Variants in DOP1A observed in about 807,000 individuals in gnomAD.
The protein encoded by DOP1A is DOP1 leucine zipper like protein A.
A neutral mutation model predicts 267.6 loss-of-function variants in DOP1A; 90 were observed. The observed-to-expected ratio is 0.34, with a 90% CI of 0.28 to 0.40. The LOEUF is 0.40. Ranked by LOEUF, DOP1A falls within the 10% of genes least tolerant of loss-of-function variation. The probability of loss-of-function intolerance (pLI) is 1.00; values close to 1 mark genes in which losing one functional copy is unlikely to be tolerated. For missense variants in DOP1A, 2,437 were observed against 2,900.4 expected (o/e 0.84, Z 3.67); for synonymous variants, 932 against 999.1 (o/e 0.93, Z 1.27).
chr6:83,111,890 C>T (rs569794133), intron 6 of DOP1A, among the ~76,000 whole-genome samples: 80 of 152,196 alleles, frequency 5.3e-4, no homozygotes, highest in Non-Finnish European at 9.4e-4. Flanking sequence ...CCAGTTCATC[C>T]GGACTTGATT....
rs560926901 is a variant in DOP1A, at chr6:83,112,646, G to C, written c.682-677G>C. ...CACCCAGCTAATTTTTGTGTTTTTAGTAGAGACAGGGTTTCACCATGTTGG... is the reference window on the plus strand; with the variant it reads ...CACCCAGCTAATTTTTGTGTTTTTACTAGAGACAGGGTTTCACCATGTTGG... On this transcript the variant is annotated intron_variant, in intron 6 of 38. Transcript: ENST00000349129. 2.8e-4 allele frequency among the ~76,000 whole-genome samples: 43 copies of C among 152,216 alleles called. No homozygotes were observed. In the South Asian group the frequency reaches 7.7e-3, roughly 27 times the overall value.
At position 83,153,544 on chromosome 6, in the gene DOP1A, A is replaced by G; in HGVS notation, c.6163A>G (p.Ser2055Gly). ...TCATCTTTTGGATATGGTTTTCTAT[A>G]GTGATGAAAAGGAGCGGGTTATTCC... ...LAHLLDMVFY[S>G]DEKERVIPLL... The change falls in exon 31 of 39, where the codon AGT (serine) becomes GGT (glycine). Residue 2055 changes from serine to glycine, a missense_variant. Physicochemically the swap from Ser to Gly is moderately conservative, Grantham distance 56. Around this residue, in one of 9 missense-constraint regions of DOP1A, gnomAD observed 216 missense variants for 283.3 expected, o/e 0.76. Coordinates refer to ENST00000349129, the MANE Select transcript of DOP1A (RefSeq NM_015018.4). 2 of 1,608,876 alleles carry G rather than the reference A, an allele frequency of 1.2e-6. No homozygotes were observed. Among genetic ancestry groups the G allele is most frequent in the Non-Finnish European group, 8.5e-7 (1 of 1,178,040 alleles).
chr6:83,104,155 G>A (rs910089178), intron 4 of DOP1A, among the ~76,000 whole-genome samples: 7 of 152,084 alleles, frequency 4.6e-5, no homozygotes, highest in African/African-American at 9.7e-5. Flanking sequence ...TATTGACATT[G>A]TATTCAGACA....
rs1225934285 is a variant in DOP1A at position 83,168,172 on chromosome 6, C to T, written c.*5C>T. On this transcript the variant is annotated 3_prime_UTR_variant, in exon 39 of 39. Transcript: ENST00000349129. ...GAAGGGATGATAAAAACTTGAGCAC[C>T]ATTGCTGGTTCCATTTAGCTTACAT... The T allele has an allele frequency of 6.2e-7, 1 of 1,608,362 alleles. No homozygotes were observed. Among genetic ancestry groups the T allele is most frequent in the South Asian group, 1.1e-5 (1 of 90,168 alleles).
rs1303854293 is a variant in DOP1A at position 83,162,818 on chromosome 6, T to G, written c.6991T>G (p.Ser2331Ala). Residue 2331 changes from serine to alanine, a missense_variant, in exon 38 of 39, where the codon TCA becomes GCA. Transcript: ENST00000349129. ...CCGATGGGCCTTTATTCCAGAAGCC[T>G]CAGATGATTCAGGTTTGGAAGTCAG... ...MYRWAFIPEA[S>A]DDSGLEVRRQ... The G allele has an allele frequency of 1.9e-6, 3 of 1,613,246 alleles. No individual in the cohort carries two copies. Among genetic ancestry groups the G allele is most frequent in the African/African-American group, 1.3e-5 (1 of 74,902 alleles).
At chr6:83,153,371 T>TA in intron 30 of DOP1A, 140 bp from the exon 31 acceptor site, 1 of 512,152 alleles carries the variant, frequency 2.0e-6, no homozygotes, top group Non-Finnish European at 3.3e-6. Context: ...CTCATTAACA[T>TA]AAAAATGATT....
chr6:83,117,583 A>T (rs1775668191), intron 7 of DOP1A, among the ~76,000 whole-genome samples: 1 of 152,250 alleles, frequency 6.6e-6, no homozygotes, highest in Non-Finnish European at 1.5e-5. Context: ...TTACAAGTAT[A>T]GTAGGTGCAG....
chr6:83,085,429 T>C (rs2128058415), intron 1 of DOP1A, among the ~76,000 whole-genome samples: 1 of 152,336 alleles, frequency 6.6e-6, no homozygotes, highest in South Asian at 2.1e-4. Flanking sequence ...TTATAGGGTA[T>C]GTGGTAAGAG....
At chr6:83,156,778 A>C (rs746005507) in intron 34 of DOP1A, among the ~76,000 whole-genome samples, 6 of 152,184 alleles carry the variant, frequency 3.9e-5, no homozygotes, top group Non-Finnish European at 8.8e-5. Flanking sequence ...CTTGTTTCCT[A>C]ACCTTTTACG....
chr6:83,079,996 C>G (rs1048189016), intron 1 of DOP1A, among the ~76,000 whole-genome samples: 1 of 151,988 alleles, frequency 6.6e-6, no homozygotes, highest in South Asian at 2.1e-4. Flanking sequence ...AAAAAATAAG[C>G]CATGTTTTCT....
chr6:83,105,355 T>C (rs573405847), intron 4 of DOP1A, among the ~76,000 whole-genome samples: 3 of 138,012 alleles, frequency 2.2e-5, no homozygotes, highest in South Asian at 2.5e-4. Flanking sequence ...TGGATGTCTT[T>C]CTTTTTTTTT....
At chr6:83,117,344 G>C (rs1157937725) in intron 7 of DOP1A, among the ~76,000 whole-genome samples, 1 of 151,816 alleles carries the variant, frequency 6.6e-6, no homozygotes, top group Admixed American at 6.6e-5. Flanking sequence ...TAGAGATGGG[G>C]TTTCACCATG....
rs376711700 is a variant in DOP1A, at chr6:83,137,534, C to G, written c.3492C>G (p.Leu1164=). 1.2e-6 allele frequency: 2 copies of G among 1,613,602 alleles called. No individual in the cohort carries two copies. Among genetic ancestry groups the G allele is most frequent in the Non-Finnish European group, 1.7e-6 (2 of 1,179,830 alleles). Residue 1164 remains leucine (L), a synonymous_variant, in exon 21 of 39, where the codon CTC becomes CTG. Transcript: ENST00000349129. The stretch of plus-strand genomic sequence containing the variant: ...TGATATGTAAAGTTGTAAGTGGCCT[C>G]GAAGTGGAATCTGCATCAGTTACAT... ...FDLICKVVSG[L]EVESASVTSQ...
At chr6:83,130,494 A>C (rs1777846281) in intron 17 of DOP1A, 97 bp downstream of exon 17, 1 of 1,438,812 alleles carries the variant, frequency 7.0e-7, no homozygotes, top group African/African-American at 1.4e-5. Flanking sequence ...AATGTTAATA[A>C]AGCTTCATTT....
At chr6:83,144,529 C>T (rs1195881628) in intron 24 of DOP1A, among the ~76,000 whole-genome samples, 2 of 151,872 alleles carry the variant, frequency 1.3e-5, no homozygotes, top group Non-Finnish European at 1.5e-5. Flanking sequence ...AAAAGTTGTA[C>T]CATAAAACAA....
At chr6:83,091,953 AT>A (rs1424731044) in intron 1 of DOP1A, among the ~76,000 whole-genome samples, 4 of 152,146 alleles carry the variant, frequency 2.6e-5, no homozygotes, top group African/African-American at 9.7e-5. Flanking sequence ...CCTGAGTTTA[AT>A]TTGGTTTTGC....
intron 38 of DOP1A, among the ~76,000 whole-genome samples, chr6:83,164,069 T>A (rs555247059): frequency 6.7e-6 from 1 of 148,932 alleles, no homozygotes; most frequent in East Asian, 2.0e-4. Flanking sequence ...ATTGTACAAT[T>A]TGGGAGTGAT....
At chr6:83,132,411 G>C (rs1778212453) in intron 18 of DOP1A, 83 bp downstream of exon 18, 2 of 1,398,502 alleles carry the variant, frequency 1.4e-6, no homozygotes, top group East Asian at 2.3e-5. Context: ...GAAAACTTTA[G>C]GGAAATTATT....
chr6:83,162,843 G>GA lies in DOP1A; in HGVS notation c.7018dup (p.Arg2340LysfsTer10). On this transcript the variant is annotated frameshift_variant, in exon 38 of 39. Coordinates refer to ENST00000349129, the MANE Select transcript of DOP1A (RefSeq NM_015018.4). LOFTEE classifies it high-confidence loss of function. ...TCAGATGATTCAGGTTTGGAAGTCAGAAGGCAGGGTATACATCAACGAGAA... is the reference window on the plus strand; with the variant it reads ...TCAGATGATTCAGGTTTGGAAGTCAGAAAGGCAGGGTATACATCAACGAGAA... The GA allele has an allele frequency of 6.2e-7, 1 of 1,613,676 alleles. No homozygotes were observed. Among genetic ancestry groups the GA allele is most frequent in the Non-Finnish European group, 8.5e-7 (1 of 1,179,694 alleles).
Sources: allele counts gnomAD v4.1 joint callset (sites outside exome capture counted in the v4.1 genomes callset), GRCh38; gene constraint gnomAD v4.1.1; regional missense constraint gnomAD v4.1.1; transcripts MANE v1.5; gene names NCBI Gene and HGNC (gene_info 2026-07-23, HGNC 2026-07-21).